Variants in GRIN3B observed in about 807,000 individuals in gnomAD.
GRIN3B encodes glutamate receptor ionotropic, NMDA 3B.
A neutral mutation model predicts 66.0 loss-of-function variants in GRIN3B; 77 were observed. That is an observed-to-expected ratio of 1.17 (90% CI 0.97 to 1.41). The LOEUF is 1.41. GRIN3B is among the 40% of genes most tolerant of loss of function. GRIN3B has a pLI of 0.00. For missense variants in GRIN3B, 1,787 were observed against 1,564.5 expected (o/e 1.14, Z -2.40); for synonymous variants, 823 against 749.7 (o/e 1.10, Z -1.60).
chr19:1,008,311 A>AGAGGGTGGGGGT lies in GRIN3B; in HGVS notation c.2466+22_2466+33dup, dbSNP rs1468995529. The AGAGGGTGGGGGT allele has an allele frequency of 3.4e-5, 6 of 177,444 alleles. No individual in the cohort carries two copies. In the African/African-American group the frequency reaches 6.0e-4, roughly 18 times the overall value. 11.0% of individuals were successfully genotyped at this position (177,444 alleles called of 1,614,324 possible). On this transcript the variant is annotated intron_variant, in intron 6 of 8. Coordinates refer to ENST00000234389, the MANE Select transcript of GRIN3B (RefSeq NM_138690.3). ...ACAGAGGTGGGGCAGGGCCTGGGACAGAGGGTGGGGGTGGGGGTGGGCGTG... is the reference window on the plus strand; with the variant it reads ...ACAGAGGTGGGGCAGGGCCTGGGACAGAGGGTGGGGGTGAGGGTGGGGGTGGGGGTGGGCGTG...
rs202186487 is a variant in GRIN3B at position 1,003,179 on chromosome 19, T to C, written c.476T>C (p.Leu159Pro). ...LHWASPLETL[L>P]DVLVAVLQAH... is the part of the protein sequence containing the mutation. ...TGGGCCAGCCCCCTGGAGACGCTGC[T>C]GGATGTGCTGGTGGCGGTGCTGCAG... Residue 159 changes from leucine to proline, a missense_variant, in exon 2 of 9, where the codon CTG becomes CCG. Physicochemically the swap from Leu to Pro is moderately conservative, Grantham distance 98. Transcript: ENST00000234389. 184 of 1,507,954 alleles carry C rather than the reference T, an allele frequency of 1.2e-4. 1 individual carries two copies. In the Middle Eastern group the frequency reaches 1.5e-3, roughly 12 times the overall value. 93.4% of individuals were successfully genotyped at this position (1,507,954 alleles called of 1,614,324 possible). A position where few individuals can be genotyped will look rare whatever the true frequency, so the allele number is the denominator to read the frequency against.
At chr19:1,001,871 C>G (rs368310988) in intron 1 of GRIN3B, among the ~76,000 whole-genome samples, 3 of 152,310 alleles carry the variant, frequency 2.0e-5, no homozygotes, top group East Asian at 3.9e-4. Flanking sequence ...CCGCCGCAAG[C>G]CGGGGCGTGG....
rs937797661 is a variant in GRIN3B, at chr19:1,009,004, C to A, written c.2702+77C>A. ...CCCACCAGCTCGCCCCGAAGCCGGC[C>A]GCGGGGTGCAGGAGGTTCCCGGAGG... On this transcript the variant is annotated intron_variant, in intron 8 of 8. Coordinates refer to ENST00000234389, the MANE Select transcript of GRIN3B (RefSeq NM_138690.3). 2.0e-6 allele frequency: 3 copies of A among 1,523,090 alleles called. No individual in the cohort carries two copies. The African/African-American group carries it at 4.1e-5, about 21-fold the overall frequency. The allele number at this position is 1,523,090 out of a possible 1,614,324, so 94.3% of individuals were successfully genotyped here.
In GRIN3B at chr19:1,007,564, G is replaced by T. The variant is rs547921576; in HGVS notation, c.2053-64G>T. ...GGACGGCCCCACCCCGGAGAACGGC[G>T]CGCCCCTCAATGGTCAGGGGTCCTG... is the stretch of plus-strand genomic sequence containing the variant. On this transcript the variant is annotated intron_variant, in intron 3 of 8. Transcript: ENST00000234389. The surrounding 1 kb of genome is among the most constrained non-coding windows in gnomAD (Gnocchi z 4.4). 1.6e-4 allele frequency: 219 copies of T among 1,370,210 alleles called. 2 individuals are homozygous for T. The highest frequency in any genetic ancestry group is 1.4e-3 in the Middle Eastern group (6 of 4,348). The allele number at this position is 1,370,210 out of a possible 1,614,324, so 84.9% of individuals were successfully genotyped here.
chr19:1,003,198 G>A lies in GRIN3B; in HGVS notation c.495G>A (p.Val165=), dbSNP rs749703311. Residue 165 remains valine (V), a synonymous_variant, in exon 2 of 9, where the codon GTG becomes GTA. Coordinates refer to ENST00000234389, the MANE Select transcript of GRIN3B (RefSeq NM_138690.3). ...CGCTGCTGGATGTGCTGGTGGCGGT[G>A]CTGCAGGCGCACGCCTGGGAAGACG... ...LETLLDVLVA[V]LQAHAWEDVG... is the part of the protein sequence containing the mutation. 6.5e-7 allele frequency: 1 copy of A among 1,531,466 alleles called. No individual in the cohort carries two copies. The highest frequency in any genetic ancestry group is 2.1e-5 in the Admixed American group (1 of 48,628). The allele number at this position is 1,531,466 out of a possible 1,614,324, so 94.9% of individuals were successfully genotyped here. A position where few individuals can be genotyped will look rare whatever the true frequency, so the allele number is the denominator to read the frequency against.
chr19:1,001,311 G>T (rs2038682328), intron 1 of GRIN3B, among the ~76,000 whole-genome samples: 1 of 151,940 alleles, frequency 6.6e-6, no homozygotes, highest in African/African-American at 2.4e-5. Context: ...CACTCTAGGG[G>T]TGCAGTTTCG....
In GRIN3B at chr19:1,008,941, G is replaced by T. The variant is rs759465790; in HGVS notation, c.2702+14G>T. 2.5e-6 allele frequency: 4 copies of T among 1,596,692 alleles called. No individual in the cohort carries two copies. Among genetic ancestry groups the T allele is most frequent in the Admixed American group, 1.7e-5 (1 of 58,212 alleles). On this transcript the variant is annotated intron_variant, in intron 8 of 8. Transcript: ENST00000234389. ...GGCGGAGCCCAGGTAAGTGGTGGTCGGGGCGGACCACGATGCAGGACCACC... is the reference window on the plus strand; with the variant it reads ...GGCGGAGCCCAGGTAAGTGGTGGTCTGGGCGGACCACGATGCAGGACCACC...
At chr19:1,008,502 C>T (rs1599462221) in intron 6 of GRIN3B, 116 bp from the exon 7 acceptor site, 5 of 1,265,026 alleles carry the variant, frequency 4.0e-6, no homozygotes, top group Non-Finnish European at 4.4e-6. Flanking sequence ...GCCTCCCAAC[C>T]TGGCTCCACT....
At chr19:1,003,086 G>A in intron 1 of GRIN3B, 44 bp from the exon 2 acceptor site, 1 of 1,327,126 alleles carries the variant, frequency 7.5e-7, no homozygotes, top group South Asian at 1.6e-5. Flanking sequence ...GGGTTTTGTG[G>A]GGGTGGAGGT....
At position 1,005,389 on chromosome 19, in the gene GRIN3B, C is replaced by T. The variant is rs151255899; in HGVS notation, c.1888C>T (p.Arg630Cys). Residue 630 changes from arginine to cysteine, a missense_variant, in exon 3 of 9, where the codon CGC (arginine) becomes TGC (cysteine). Transcript: ENST00000234389. This position sits in a 1 kb window ranked among gnomAD's most constrained non-coding sequence, Gnocchi z 5.2. ...CCTGTGCTACGCCATCCTCTTCAGA[C>T]GCACCGTGTCCAGCAAGACGCCCAA... The part of the protein sequence containing the change: ...LNLCYAILFR[R>C]TVSSKTPKCP... The T allele has an allele frequency of 2.0e-4, 316 of 1,613,752 alleles. No individual in the cohort carries two copies. Among genetic ancestry groups the T allele is most frequent in the Middle Eastern group, 3.3e-4 (2 of 6,062 alleles).
Position 1,005,539 on chromosome 19 carries a change from A to G in GRIN3B, c.2038A>G (p.Ile680Val). The G allele has an allele frequency of 1.2e-6, 2 of 1,601,598 alleles. No homozygotes were observed. Among genetic ancestry groups the G allele is most frequent in the Non-Finnish European group, 1.7e-6 (2 of 1,172,754 alleles). ...GDKTFEELSG[I>V]HDPKLHHPAQ... Reference sequence around the variant, plus strand: ...CAAGACCTTCGAGGAGCTGTCGGGGATCCACGACCCCAAGGTGGGCGGCCT... The same window carrying G: ...CAAGACCTTCGAGGAGCTGTCGGGGGTCCACGACCCCAAGGTGGGCGGCCT... Residue 680 changes from isoleucine to valine, a missense_variant, in exon 3 of 9, where the codon ATC becomes GTC. By Grantham distance (29) the Ile-to-Val change is conservative (BLOSUM62 3). Transcript: ENST00000234389. This position sits in a 1 kb window ranked among gnomAD's most constrained non-coding sequence, Gnocchi z 5.2.
rs772554473 is a variant in GRIN3B at position 1,003,372 on chromosome 19, G to A, written c.669G>A (p.Ala223=). 85 of 1,570,450 alleles carry A rather than the reference G, an allele frequency of 5.4e-5. No homozygotes were observed. Among genetic ancestry groups the A allele is most frequent in the Middle Eastern group, 1.7e-4 (1 of 5,980 alleles). ...TGCGGGCACGCCTGGCCCCGATGGC[G>A]GCGCCAGTGGGGGGTGAAGCACCGG... ...AGLRARLAPM[A]APVGGEAPVP... is the part of the protein sequence containing the mutation. Residue 223 remains alanine (A), a synonymous_variant, in exon 2 of 9, where the codon GCG becomes GCA. Coordinates refer to ENST00000234389, the MANE Select transcript of GRIN3B (RefSeq NM_138690.3).
chr19:1,006,157 C>G (rs188459924), intron 3 of GRIN3B, among the ~76,000 whole-genome samples: 36 of 150,690 alleles, frequency 2.4e-4, no homozygotes, highest in African/African-American at 7.8e-4. Context: ...GCCTATTTTT[C>G]TTTTCTTTTT....
intron 1 of GRIN3B, among the ~76,000 whole-genome samples, chr19:1,001,502 C>T (rs2038684110): frequency 6.6e-6 from 1 of 151,248 alleles, no homozygotes; most frequent in South Asian, 2.1e-4. Flanking sequence ...CGGGAGGAAA[C>T]GGAAGAAGAG....
chr19:1,009,190 A>G lies in GRIN3B; in HGVS notation c.2720A>G (p.Gln907Arg), dbSNP rs74549450. 5,060 of 1,404,878 alleles carry G rather than the reference A, an allele frequency of 3.6e-3. 158 individuals are homozygous for G. In the African/African-American group the frequency reaches 0.073, roughly 20 times the overall value. The allele number at this position is 1,404,878 out of a possible 1,614,324, so 87.0% of individuals were successfully genotyped here. A position where few individuals can be genotyped will look rare whatever the true frequency, so the allele number is the denominator to read the frequency against. Residue 907 changes from glutamine (Q) to arginine (R), a missense_variant, in exon 9 of 9, where the codon CAG becomes CGG. Gln to Arg is a conservative substitution (Grantham distance 43). Coordinates refer to ENST00000234389, the MANE Select transcript of GRIN3B (RefSeq NM_138690.3). ...EAEPSGPEVE[Q>R]QQQQQDQPTA... ...GTCCCCAGCGGCCCCGAGGTGGAGC[A>G]GCAGCAGCAGCAGCAGGACCAGCCA... is the stretch of plus-strand genomic sequence containing the variant.
rs899997835 is a variant in GRIN3B at position 1,005,136 on chromosome 19, C to T, written c.1635C>T (p.Thr545=). 3.7e-6 allele frequency: 6 copies of T among 1,613,340 alleles called. No homozygotes were observed. The highest frequency in any genetic ancestry group is 5.1e-6 in the Non-Finnish European group (6 of 1,179,942). ...NSARSQVVDF[T]SPFFSTSLGI... is the part of the protein sequence containing the mutation. ...CCCGCTCACAGGTGGTGGACTTCAC[C>T]AGCCCCTTCTTCTCCACCAGCCTGG... Residue 545 remains threonine, a synonymous_variant, in exon 3 of 9, where the codon ACC becomes ACT. Coordinates refer to ENST00000234389, the MANE Select transcript of GRIN3B (RefSeq NM_138690.3). The surrounding 1 kb of genome is among the most constrained non-coding windows in gnomAD (Gnocchi z 5.2).
At chr19:1,009,151 A>T in intron 8 of GRIN3B, 22 bp from the exon 9 acceptor site, 3 of 1,452,804 alleles carry the variant, frequency 2.1e-6, no homozygotes, top group Non-Finnish European at 2.7e-6. Context: ...GCGGACACTG[A>T]CCAGGCCGGT....
At position 1,009,662 on chromosome 19, in the gene GRIN3B, C is replaced by A; in HGVS notation, c.*60C>A. 1 of 1,276,166 alleles carries A rather than the reference C, an allele frequency of 7.8e-7. No homozygotes were observed. Among genetic ancestry groups the A allele is most frequent in the Non-Finnish European group, 1.0e-6 (1 of 986,686 alleles). 79.1% of individuals were successfully genotyped at this position (1,276,166 alleles called of 1,614,324 possible). On this transcript the variant is annotated 3_prime_UTR_variant, in exon 9 of 9. Coordinates refer to ENST00000234389, the MANE Select transcript of GRIN3B (RefSeq NM_138690.3). ...ACACAGCGCAGTGAGCCGCTGTCAACAGACAGTTTATTCTATATACAAACA... is the reference window on the plus strand; with the variant it reads ...ACACAGCGCAGTGAGCCGCTGTCAAAAGACAGTTTATTCTATATACAAACA...
chr19:1,002,864 ATGGC>A, intron 1 of GRIN3B: 1 of 371,380 alleles, frequency 2.7e-6, no homozygotes. Flanking sequence ...CATCCGGGGA[ATGGC>A]ACATGCAAAA....
Sources: gnomAD v4.1 joint callset for allele counts (sites outside exome capture counted in the v4.1 genomes callset) on GRCh38, gnomAD v4.1.1 for gene constraint, Gnocchi (gnomAD v3.1) non-coding constraint, MANE v1.5 for transcripts, NCBI Gene and HGNC (gene_info 2026-07-23, HGNC 2026-07-21) for gene names.